FBXL7: variants seen among roughly 807,000 people sequenced by gnomAD.
FBXL7 encodes F-box and leucine rich repeat protein 7.
FBXL7 carries 12 observed loss-of-function variants against 38.3 expected under a neutral mutation model. That is an observed-to-expected ratio of 0.31 (90% CI 0.20 to 0.51). FBXL7 has a LOEUF of 0.51. Among genes scored for constraint, FBXL7 ranks in the 20% least tolerant of loss-of-function variants. FBXL7 has a pLI of 0.98. For synonymous variants in FBXL7, 297 were observed against 300.9 expected (o/e 0.99, Z 0.13); for missense variants, 567 against 676.4 (o/e 0.84, Z 1.79).
intron 2 of FBXL7, among the ~76,000 whole-genome samples, chr5:15,786,877 A>G (rs1439167380): frequency 4.6e-5 from 7 of 152,208 alleles, no homozygotes; most frequent in African/African-American, 1.7e-4. Flanking sequence ...AAGATTATTT[A>G]CAGATGAAAT....
intron 1 of FBXL7, among the ~76,000 whole-genome samples, chr5:15,528,914 A>G (rs966216024): frequency 6.6e-6 from 1 of 152,228 alleles, no homozygotes; most frequent in Non-Finnish European, 1.5e-5. Flanking sequence ...CATGACCTCA[A>G]ATACTTATTT....
In FBXL7 at chr5:15,688,833, T is replaced by A. The variant is rs937575453; in HGVS notation, c.127+72761T>A. On this transcript the variant is annotated intron_variant, in intron 2 of 3. Coordinates refer to ENST00000504595, the MANE Select transcript of FBXL7 (RefSeq NM_012304.5). ...GGCTGACTCCGTAACCCAGTATGTTTATGTAGGCAGTGCCTGAGAGTTTTG... is the reference window on the plus strand; with the variant it reads ...GGCTGACTCCGTAACCCAGTATGTTAATGTAGGCAGTGCCTGAGAGTTTTG... 3.3e-5 allele frequency among the ~76,000 whole-genome samples: 5 copies of A among 152,152 alleles called. 1 individual carries two copies. The highest frequency in any genetic ancestry group is 1.2e-4 in the African/African-American group (5 of 41,444).
At chr5:15,721,371 T>A (rs928793797) in intron 2 of FBXL7, among the ~76,000 whole-genome samples, 1 of 152,164 alleles carries the variant, frequency 6.6e-6, no homozygotes, top group South Asian at 2.1e-4. Context: ...TGCAGAGTTA[T>A]GAGATCTAAA....
intron 2 of FBXL7, among the ~76,000 whole-genome samples, chr5:15,697,004 G>C (rs767323908): frequency 6.6e-6 from 1 of 152,136 alleles, no homozygotes; most frequent in Non-Finnish European, 1.5e-5. Context: ...CCATTGTTTA[G>C]CACAAAGTAG....
chr5:15,825,046 T>C (rs1446447428), intron 2 of FBXL7, among the ~76,000 whole-genome samples: 2 of 152,220 alleles, frequency 1.3e-5, no homozygotes, highest in African/African-American at 4.8e-5. Flanking sequence ...TGAGATATTA[T>C]AAACTCAATG....
At chr5:15,730,955 T>G (rs1735563389) in intron 2 of FBXL7, among the ~76,000 whole-genome samples, 1 of 152,188 alleles carries the variant, frequency 6.6e-6, no homozygotes, top group African/African-American at 2.4e-5. Flanking sequence ...TCCATGCCTA[T>G]CATGAAGATG....
chr5:15,523,169 C>T (rs913488701), intron 1 of FBXL7, among the ~76,000 whole-genome samples: 6 of 152,140 alleles, frequency 3.9e-5, no homozygotes, highest in African/African-American at 1.4e-4. Flanking sequence ...GGGTAAATGG[C>T]ACTAACTAAT....
chr5:15,715,024 C>T (rs560917601), intron 2 of FBXL7, among the ~76,000 whole-genome samples: 2 of 152,084 alleles, frequency 1.3e-5, no homozygotes, highest in Non-Finnish European at 2.9e-5. Flanking sequence ...TCCCCTGAGC[C>T]TCTAGAAGGA....
At chr5:15,900,382 G>C (rs1462367718) in intron 2 of FBXL7, among the ~76,000 whole-genome samples, 9 of 152,110 alleles carry the variant, frequency 5.9e-5, no homozygotes, top group African/African-American at 2.2e-4. Context: ...TGCAAAGAAA[G>C]AAGAAAAACC....
At chr5:15,523,271 A>G (rs1580350689) in intron 1 of FBXL7, among the ~76,000 whole-genome samples, 2 of 152,346 alleles carry the variant, frequency 1.3e-5, no homozygotes, top group South Asian at 2.1e-4. Flanking sequence ...AAAAATTCAC[A>G]TAGTAGGCTG....
chr5:15,882,330 T>C (rs1740489640), intron 2 of FBXL7, among the ~76,000 whole-genome samples: 1 of 152,060 alleles, frequency 6.6e-6, no homozygotes, highest in African/African-American at 2.4e-5. Flanking sequence ...TGTCAGGAAG[T>C]GGTGGCGCCA....
intron 2 of FBXL7, among the ~76,000 whole-genome samples, chr5:15,696,153 G>T (rs1270855963): frequency 6.6e-6 from 1 of 152,136 alleles, no homozygotes; most frequent in African/African-American, 2.4e-5. Flanking sequence ...GTGAAACAGT[G>T]CTTTACTGGA....
chr5:15,617,155 T>C (rs1740478631), intron 2 of FBXL7, among the ~76,000 whole-genome samples: 1 of 152,214 alleles, frequency 6.6e-6, no homozygotes, highest in Admixed American at 6.5e-5. Context: ...TTTGTCTTAG[T>C]GTGCTTCAAG....
At chr5:15,643,279 A>C (rs1017280366) in intron 2 of FBXL7, among the ~76,000 whole-genome samples, 11 of 152,250 alleles carry the variant, frequency 7.2e-5, no homozygotes, top group Admixed American at 6.5e-5. Context: ...AGGAGGAAGG[A>C]ACAGGCTAAA....
intron 2 of FBXL7, among the ~76,000 whole-genome samples, chr5:15,756,555 G>A (rs975797679): frequency 2.6e-5 from 4 of 152,074 alleles, no homozygotes; most frequent in Non-Finnish European, 4.4e-5. Context: ...TCACTATCCG[G>A]ACCATTTTTA....
intron 2 of FBXL7, among the ~76,000 whole-genome samples, chr5:15,794,243 A>G (rs1265937193): frequency 1.3e-5 from 2 of 152,212 alleles, no homozygotes; most frequent in East Asian, 1.9e-4. Context: ...CACCAGTTCC[A>G]TAGAAAGTTT....
At position 15,936,392 on chromosome 5, in the gene FBXL7, A is replaced by C; in HGVS notation, c.740-58A>C. On this transcript the variant is annotated intron_variant, in intron 3 of 3. Transcript: ENST00000504595. This position sits in a 1 kb window ranked among gnomAD's most constrained non-coding sequence, Gnocchi z 6.0. ...GTCAGGAATGCCCCAGGGCATCCCC[A>C]GGCGTGGCTCCCCTGCTGGCAGGTT... is the stretch of plus-strand genomic sequence containing the variant. 4 of 1,564,712 alleles carry C rather than the reference A, an allele frequency of 2.6e-6. No individual in the cohort carries two copies. The highest frequency in any genetic ancestry group is 3.5e-6 in the Non-Finnish European group (4 of 1,155,718).
chr5:15,794,622 G>T (rs1737367098), intron 2 of FBXL7, among the ~76,000 whole-genome samples: 1 of 152,182 alleles, frequency 6.6e-6, no homozygotes, highest in Admixed American at 6.5e-5. Context: ...GGGTAGTGAA[G>T]GTTTTTTGCT....
chr5:15,673,385 A>G lies in FBXL7; in HGVS notation c.127+57313A>G, dbSNP rs147332304. ...ATGCTAAATAATCAGATTGAAAGTA[A>G]TACTCTCAACCCTATGGATGGCTTC... On this transcript the variant is annotated intron_variant, in intron 2 of 3. Transcript: ENST00000504595. Among the ~76,000 whole-genome samples, 502 of 152,282 alleles carry G rather than the reference A, an allele frequency of 3.3e-3. 2 individuals are homozygous for G. Among genetic ancestry groups the G allele is most frequent in the African/African-American group, 0.011 (448 of 41,556 alleles).
Sources: gnomAD v4.1 joint callset for allele counts (sites outside exome capture counted in the v4.1 genomes callset) on GRCh38, gnomAD v4.1.1 for gene constraint, Gnocchi (gnomAD v3.1) non-coding constraint, MANE v1.5 for transcripts, NCBI Gene and HGNC (gene_info 2026-07-23, HGNC 2026-07-21) for gene names.